Variants in CAPN8 observed in about 807,000 individuals in gnomAD.
The protein encoded by CAPN8 is calpain 8.
CAPN8 carries 87 observed loss-of-function variants against 80.9 expected under a neutral mutation model. The observed-to-expected ratio is 1.07, with a 90% CI of 0.90 to 1.28. CAPN8 has a LOEUF of 1.28. Ranked by LOEUF, CAPN8 falls within the 50% of genes most tolerant of loss-of-function variation. The probability of loss-of-function intolerance (pLI) is 0.00; values close to 1 mark genes in which losing one functional copy is unlikely to be tolerated. For missense variants in CAPN8, 757 were observed against 702.0 expected, an observed-to-expected ratio of 1.08 and a Z score of -0.89; for synonymous variants, 299 against 273.8, an observed-to-expected ratio of 1.09 and a Z score of -0.91.
At position 223,625,739 on chromosome 1, in the gene CAPN8, C is replaced by T. The variant is rs143992138; in HGVS notation, c.813+66G>A. On this transcript the variant is annotated intron_variant, in intron 6 of 20. Coordinates refer to ENST00000366872, the MANE Select transcript of CAPN8 (RefSeq NM_001143962.2). ...GTAGTAATCACCTCTTTCCTCCTGTCGAGATGGCTTGGATTCATGGAAATA... is the reference window on the plus strand; with the variant it reads ...GTAGTAATCACCTCTTTCCTCCTGTTGAGATGGCTTGGATTCATGGAAATA... 1.4e-5 allele frequency: 20 copies of T among 1,399,042 alleles called. No individual in the cohort carries two copies. In the South Asian group the frequency reaches 1.6e-4, roughly 11 times the overall value. 86.7% of individuals were successfully genotyped at this position (1,399,042 alleles called of 1,614,324 possible).
At chr1:223,629,750 T>C (rs1657720556) in intron 2 of CAPN8, among the ~76,000 whole-genome samples, 1 of 152,240 alleles carries the variant, frequency 6.6e-6, no homozygotes, top group Non-Finnish European at 1.5e-5. Flanking sequence ...GTGAAGGCTA[T>C]TGCATCTTTC....
At chr1:223,663,537 A>G (rs938439503) in intron 1 of CAPN8, among the ~76,000 whole-genome samples, 4 of 152,214 alleles carry the variant, frequency 2.6e-5, no homozygotes, top group African/African-American at 9.6e-5. Context: ...AGCTGAGACC[A>G]CAGCTCCTTC....
chr1:223,652,173 TACAA>T (rs2102734086), intron 2 of CAPN8, among the ~76,000 whole-genome samples: 1 of 152,190 alleles, frequency 6.6e-6, no homozygotes, highest in Non-Finnish European at 1.5e-5. Flanking sequence ...ACCCTGTCTC[TACAA>T]AAAACTACAA....
chr1:223,661,037 G>A (rs111942151), intron 1 of CAPN8, among the ~76,000 whole-genome samples: 2,910 of 151,846 alleles, frequency 0.019, 91 homozygotes, highest in African/African-American at 0.065. Context: ...TTGGTGGCAG[G>A]AGCCTGTGGT....
intron 12 of CAPN8, among the ~76,000 whole-genome samples, chr1:223,558,679 G>A (rs1286775299): frequency 6.6e-6 from 1 of 151,864 alleles, no homozygotes; most frequent in East Asian, 1.9e-4. Context: ...TGGAGTGTGT[G>A]CGGTATGTAC....
At chr1:223,621,244 T>C (rs1461761595) in intron 7 of CAPN8, among the ~76,000 whole-genome samples, 3 of 566 alleles carry the variant, frequency 5.3e-3, no homozygotes, top group Admixed American at 0.021. Context: ...TTTTTTTTAC[T>C]TTTTTTTTTT....
chr1:223,626,022 A>T (rs1657565635), intron 5 of CAPN8, 134 bp from the exon 6 acceptor site: 3 of 648,574 alleles, frequency 4.6e-6, no homozygotes, highest in Non-Finnish European at 8.3e-6. Context: ...CATGGCTATG[A>T]ACCTCAGGTA....
intron 2 of CAPN8, among the ~76,000 whole-genome samples, chr1:223,633,925 A>T (rs1030665144): frequency 1.3e-5 from 2 of 152,218 alleles, no homozygotes; most frequent in African/African-American, 2.4e-5. Flanking sequence ...GAAAGGTCAG[A>T]CATCAGAAAC....
chr1:223,658,774 C>G (rs1294391641), intron 1 of CAPN8, among the ~76,000 whole-genome samples: 1 of 152,126 alleles, frequency 6.6e-6, no homozygotes, highest in Non-Finnish European at 1.5e-5. Context: ...CCACCGCACT[C>G]CAGCCTGGGT....
At chr1:223,664,057 T>G (rs548887589) in intron 1 of CAPN8, among the ~76,000 whole-genome samples, 1 of 152,334 alleles carries the variant, frequency 6.6e-6, no homozygotes, top group East Asian at 1.9e-4. Context: ...AGCTCAATTC[T>G]CACAACCACT....
intron 14 of CAPN8, among the ~76,000 whole-genome samples, chr1:223,552,357 A>G (rs1236949661): frequency 1.3e-5 from 2 of 152,156 alleles, no homozygotes; most frequent in South Asian, 2.1e-4. Flanking sequence ...TAAGGTCAGG[A>G]GTTCGAGACC....
chr1:223,653,657 A>G (rs1571739414), intron 2 of CAPN8, among the ~76,000 whole-genome samples: 1 of 152,268 alleles, frequency 6.6e-6, no homozygotes, highest in East Asian at 1.9e-4. Context: ...GGATTGTCCA[A>G]TTCAACGCAG....
intron 1 of CAPN8, among the ~76,000 whole-genome samples, chr1:223,657,345 G>A (rs1315752350): frequency 6.6e-6 from 1 of 151,952 alleles, no homozygotes; most frequent in East Asian, 1.9e-4. Context: ...TAAAAAGAAA[G>A]AGAAAAAAAT....
chr1:223,655,451 T>C (rs1204973265), intron 1 of CAPN8, among the ~76,000 whole-genome samples: 2 of 152,176 alleles, frequency 1.3e-5, no homozygotes, highest in East Asian at 3.8e-4. Flanking sequence ...GAGTGCCCGT[T>C]CTGTATCCAG....
chr1:223,643,598 G>T (rs1658103933), intron 2 of CAPN8, among the ~76,000 whole-genome samples: 1 of 152,266 alleles, frequency 6.6e-6, no homozygotes, highest in South Asian at 2.1e-4. Flanking sequence ...GAGTAGTAGA[G>T]GGGACACTGG....
chr1:223,547,637 T>A (rs1656659964), intron 16 of CAPN8, among the ~76,000 whole-genome samples: 1 of 152,214 alleles, frequency 6.6e-6, no homozygotes, highest in African/African-American at 2.4e-5. Flanking sequence ...AATAGAGTTG[T>A]TATTTTTTTA....
rs186308028 is a variant in CAPN8, at chr1:223,627,132, C to T, written c.586G>A (p.Ala196Thr). 16 of 1,552,344 alleles carry T rather than the reference C, an allele frequency of 1.0e-5. No homozygotes were observed. The highest frequency in any genetic ancestry group is 9.8e-5 in the Admixed American group (5 of 51,008). Residue 196 changes from alanine (A) to threonine (T), a missense_variant, in exon 5 of 21, where the codon GCT (alanine) becomes ACT (threonine). Coordinates refer to ENST00000366872, the MANE Select transcript of CAPN8 (RefSeq NM_001143962.2). ...AACCCCTCCACTGTGGAACCTCCAG[C>T]GAGAGCCTCATAACAACCATTAAGC... is the stretch of plus-strand genomic sequence containing the variant. ...AKLNGCYEAL[A>T]GGSTVEGFED...
chr1:223,648,543 A>G (rs893591877), intron 2 of CAPN8, among the ~76,000 whole-genome samples: 1 of 152,238 alleles, frequency 6.6e-6, no homozygotes, highest in African/African-American at 2.4e-5. Context: ...AGCGGTGTGC[A>G]TGCCAGGCCC....
At chr1:223,553,518 A>G (rs1444315406) in intron 14 of CAPN8, among the ~76,000 whole-genome samples, 1 of 152,170 alleles carries the variant, frequency 6.6e-6, no homozygotes, top group Admixed American at 6.5e-5. Flanking sequence ...CTTTTTATTC[A>G]GAGACCCCAA....
Sources: allele counts gnomAD v4.1 joint callset (sites outside exome capture counted in the v4.1 genomes callset), GRCh38; gene constraint gnomAD v4.1.1; transcripts MANE v1.5; gene names NCBI Gene and HGNC (gene_info 2026-07-23, HGNC 2026-07-21).